Variants in RGMA observed in about 807,000 individuals in gnomAD.
RGMA encodes repulsive guidance molecule A.
A neutral mutation model predicts 23.2 loss-of-function variants in RGMA; 10 were observed. The ratio of observed to expected loss-of-function variants is 0.43; its 90% CI spans 0.27 to 0.73. RGMA has a LOEUF of 0.73. Among genes scored for constraint, RGMA ranks in the 30% least tolerant of loss-of-function variants. The pLI, the probability that RGMA is intolerant of heterozygous loss-of-function variation, is 0.20. For synonymous variants in RGMA, 308 were observed against 279.3 expected (o/e 1.10, Z -1.03); for missense variants, 547 against 630.5 (o/e 0.87, Z 1.42).
rs1288974802 is a variant in RGMA, at chr15:93,065,853, C to T, written c.130+7063G>A. On this transcript the variant is annotated intron_variant, in intron 2 of 3. Transcript: ENST00000329082. ...TCACCTCCCTGCTGTTGCTGCCCCT[C>T]CAATGGGGCTCTTTGGGCTCTACCC... is the stretch of plus-strand genomic sequence containing the variant. 3.5e-5 allele frequency: 26 copies of T among 750,838 alleles called. No individual in the cohort carries two copies. The East Asian group carries it at 7.2e-4, about 21-fold the overall frequency. 46.5% of individuals were successfully genotyped at this position (750,838 alleles called of 1,614,324 possible).
chr15:93,073,247 C>G (rs1472141487), intron 1 of RGMA: 1 of 1,061,814 alleles, frequency 9.4e-7, no homozygotes, highest in Non-Finnish European at 1.2e-6. Flanking sequence ...CGCGCCCCAG[C>G]CGCCTGCGCA....
At position 93,045,561 on chromosome 15, in the gene RGMA, T is replaced by C. The variant is rs1396304712; in HGVS notation, c.790A>G (p.Lys264Glu). 5 of 1,613,274 alleles carry C rather than the reference T, an allele frequency of 3.1e-6. No individual in the cohort carries two copies. The highest frequency in any genetic ancestry group is 1.1e-5 in the South Asian group (1 of 91,082). Residue 264 changes from lysine (K) to glutamate (E), a missense_variant, in exon 4 of 4, where the codon AAG becomes GAG. Physicochemically the swap from Lys to Glu is moderately conservative, Grantham distance 56. Around this residue, in one of 3 missense-constraint regions of RGMA, gnomAD observed 128 missense variants for 191.7 expected, o/e 0.67. Coordinates refer to ENST00000329082, the MANE Select transcript of RGMA (RefSeq NM_020211.3). The surrounding 1 kb of genome is among the most constrained non-coding windows in gnomAD (Gnocchi z 6.9). The part of the protein sequence containing the change: ...HGANSLKITE[K>E]VSGQHVEIQA... ...ATCTCCACGTGCTGGCCTGACACCTTCTCAGTGATCTTCAGGCTGTTGGCC... is the reference window on the plus strand; with the variant it reads ...ATCTCCACGTGCTGGCCTGACACCTCCTCAGTGATCTTCAGGCTGTTGGCC...
At position 93,072,895 on chromosome 15, in the gene RGMA, G is replaced by T. The variant is rs755745717; in HGVS notation, c.130+21C>A. ...GCGGCCCAGGGACCCGGCCCCGCGC[G>T]CCCGGCCGGCAGTGCCTTACCTGCG... On this transcript the variant is annotated intron_variant, in intron 2 of 3. Transcript: ENST00000329082. 17 of 1,584,556 alleles carry T rather than the reference G, an allele frequency of 1.1e-5. No homozygotes were observed. In the East Asian group the frequency reaches 3.9e-4, roughly 37 times the overall value.
In RGMA at chr15:93,045,461, G is replaced by A; in HGVS notation, c.890C>T (p.Pro297Leu). ...CTCCACAGCATTGACCACTTCCTCT[G>A]GCATGCGGACGGCAAAGGTCAGGTA... ...GRYLTFAVRM[P>L]EEVVNAVEDW... Residue 297 changes from proline to leucine, a missense_variant, in exon 4 of 4, where the codon CCA (proline) becomes CTA (leucine). This residue lies in a region of RGMA where 128 missense variants were observed against 191.7 expected (regional missense o/e 0.67). Coordinates refer to ENST00000329082, the MANE Select transcript of RGMA (RefSeq NM_020211.3). This position sits in a 1 kb window ranked among gnomAD's most constrained non-coding sequence, Gnocchi z 6.9. The A allele has an allele frequency of 1.2e-6, 2 of 1,613,244 alleles. No homozygotes were observed. Among genetic ancestry groups the A allele is most frequent in the South Asian group, 1.1e-5 (1 of 91,078 alleles).
At chr15:93,080,815 GT>G (rs755034378) in intron 1 of RGMA, among the ~76,000 whole-genome samples, 3 of 152,080 alleles carry the variant, frequency 2.0e-5, no homozygotes, top group Admixed American at 6.5e-5. Flanking sequence ...GAGCAGCCGT[GT>G]TTCTTTTCTC....
At chr15:93,080,862 A>G (rs1411617005) in intron 1 of RGMA, among the ~76,000 whole-genome samples, 1 of 152,090 alleles carries the variant, frequency 6.6e-6, no homozygotes, top group Non-Finnish European at 1.5e-5. Context: ...GGGACTATAA[A>G]CTGGGGTATA....
chr15:93,046,027 G>A, intron 3 of RGMA, among the ~76,000 whole-genome samples: 1 of 152,164 alleles, frequency 6.6e-6, no homozygotes, highest in African/African-American at 2.4e-5. Context: ...AAAAATAAAA[G>A]GTCAAAAGCC....
intron 1 of RGMA, chr15:93,073,702 C>A: frequency 6.5e-7 from 1 of 1,537,264 alleles, no homozygotes; most frequent in Non-Finnish European, 8.7e-7. Flanking sequence ...CTCTCTGCAT[C>A]TCAGCTACTA....
In RGMA at chr15:93,035,446, G is replaced by A. The variant is rs1038823652; in HGVS notation, c.*9552C>T. ...ATGGCCAAGGAGCAGGGTGGGCTCA[G>A]TGGATGGAAAACCTCTTAAGAGGAA... is the stretch of plus-strand genomic sequence containing the variant. On this transcript the variant is annotated 3_prime_UTR_variant, in exon 4 of 4. Coordinates refer to ENST00000329082, the MANE Select transcript of RGMA (RefSeq NM_020211.3). 7.9e-5 allele frequency: 12 copies of A among 152,254 alleles called. No homozygotes were observed. Among genetic ancestry groups the A allele is most frequent in the African/African-American group, 2.9e-4 (12 of 41,420 alleles). The allele number at this position is 152,254 out of a possible 1,614,324, so 9.4% of individuals were successfully genotyped here.
intron 2 of RGMA, among the ~76,000 whole-genome samples, chr15:93,060,069 A>G (rs11074134): frequency 6.6e-6 from 1 of 151,394 alleles, no homozygotes; most frequent in Non-Finnish European, 1.5e-5. Context: ...AGAAAGTTAT[A>G]CCTTCTAGCT....
rs2054724129 is a variant in RGMA, at chr15:93,041,584, C to T, written c.*3414G>A. The T allele has an allele frequency of 2.0e-5, 3 of 152,216 alleles. No individual in the cohort carries two copies. The highest frequency in any genetic ancestry group is 2.0e-4 in the Admixed American group (3 of 15,298). The allele number at this position is 152,216 out of a possible 1,614,324, so 9.4% of individuals were successfully genotyped here. On this transcript the variant is annotated 3_prime_UTR_variant, in exon 4 of 4. Coordinates refer to ENST00000329082, the MANE Select transcript of RGMA (RefSeq NM_020211.3). Reference sequence around the variant, plus strand: ...ATACTTTGTGGCTAGTGCCATTTAGCATTTTCGTCTAGTAGAGATTTCTTT... The same window carrying T: ...ATACTTTGTGGCTAGTGCCATTTAGTATTTTCGTCTAGTAGAGATTTCTTT...
intron 2 of RGMA, among the ~76,000 whole-genome samples, chr15:93,059,838 T>C (rs533290966): frequency 6.6e-6 from 1 of 152,342 alleles, no homozygotes; most frequent in Non-Finnish European, 1.5e-5. Context: ...TTATGTGCTG[T>C]ATCTTTATAA....
chr15:93,072,811 G>A (rs1895373563), intron 2 of RGMA, 105 bp downstream of exon 2: 2 of 1,221,860 alleles, frequency 1.6e-6, no homozygotes, highest in African/African-American at 1.5e-5. Context: ...GGGGTCCGGA[G>A]GAGGTCCGGA....
intron 1 of RGMA, chr15:93,073,481 G>A (rs1199960662): frequency 8.5e-7 from 1 of 1,180,434 alleles, no homozygotes; most frequent in African/African-American, 1.5e-5. Context: ...GGCATGAGGC[G>A]GGGCAGGACG....
At chr15:93,072,409 C>T (rs977894872) in intron 2 of RGMA, among the ~76,000 whole-genome samples, 1 of 152,216 alleles carries the variant, frequency 6.6e-6, no homozygotes, top group African/African-American at 2.4e-5. Flanking sequence ...CCGTGGGTGT[C>T]CCCGCGTGGC....
At chr15:93,080,471 C>T (rs1895541098) in intron 1 of RGMA, among the ~76,000 whole-genome samples, 1 of 152,206 alleles carries the variant, frequency 6.6e-6, no homozygotes, top group African/African-American at 2.4e-5. Flanking sequence ...GGCTTGGTGA[C>T]AGAGTGAGGT....
rs1379477769 is a variant in RGMA at position 93,078,206 on chromosome 15, G to A, written c.15-5175C>T. Among the ~76,000 whole-genome samples the A allele has an allele frequency of 3.9e-5, 6 of 152,272 alleles. No homozygotes were observed. In the South Asian group the frequency reaches 1.2e-3, roughly 32 times the overall value. ...AAAATTCCTTATTTTGCTGAAACTA[G>A]CTTGATCTAGATTTCTCTAACAGAT... On this transcript the variant is annotated intron_variant, in intron 1 of 3. Transcript: ENST00000329082.
rs536111822 is a variant in RGMA at position 93,063,534 on chromosome 15, T to C, written c.130+9382A>G. Among the ~76,000 whole-genome samples, 6 of 152,340 alleles carry C rather than the reference T, an allele frequency of 3.9e-5. No homozygotes were observed. In the East Asian group the frequency reaches 9.6e-4, roughly 24 times the overall value. ...TGTCACTCCTGCAGGAATTTCACTC[T>C]GTCATCCTGGTGTAAACATCCAGGT... On this transcript the variant is annotated intron_variant, in intron 2 of 3. Coordinates refer to ENST00000329082, the MANE Select transcript of RGMA (RefSeq NM_020211.3).
chr15:93,052,847 C>G (rs913242006), intron 2 of RGMA, among the ~76,000 whole-genome samples: 1 of 152,234 alleles, frequency 6.6e-6, no homozygotes, highest in African/African-American at 2.4e-5. Flanking sequence ...TCTATATACA[C>G]TTTCATGGCC....
Sources: gnomAD v4.1 joint callset for allele counts (sites outside exome capture counted in the v4.1 genomes callset) on GRCh38, gnomAD v4.1.1 for gene constraint, gnomAD v4.1.1 regional missense constraint, Gnocchi (gnomAD v3.1) non-coding constraint, MANE v1.5 for transcripts, NCBI Gene and HGNC (gene_info 2026-07-23, HGNC 2026-07-21) for gene names.